CDKAL1: variants seen among roughly 807,000 people sequenced by gnomAD.
CDKAL1 encodes the protein CDKAL1 threonylcarbamoyladenosine tRNA methylthiotransferase, also known as threonylcarbamoyladenosine tRNA methylthiotransferase.
In CDKAL1, 32 loss-of-function variants were observed where a neutral mutation model predicts 68.2. The ratio of observed to expected loss-of-function variants is 0.47; its 90% confidence interval spans 0.35 to 0.63. The LOEUF (loss-of-function observed/expected upper bound fraction) is 0.63. Among genes scored for constraint, CDKAL1 ranks in the 30% least tolerant of loss-of-function variants. CDKAL1 has a pLI of 0.00. For synonymous variants in CDKAL1, 234 were observed against 244.3 expected (o/e 0.96, Z 0.39); for missense variants, 606 against 696.7 (o/e 0.87, Z 1.47).
intron 13 of CDKAL1, among the ~76,000 whole-genome samples, chr6:21,170,062 G>A (rs1777318540): frequency 6.6e-6 from 1 of 152,084 alleles, no homozygotes; most frequent in Admixed American, 6.6e-5. Context: ...ACCTATCACT[G>A]AAAGATGCAA....
intron 12 of CDKAL1, among the ~76,000 whole-genome samples, chr6:21,085,157 G>C (rs1372077394): frequency 6.6e-6 from 1 of 152,182 alleles, no homozygotes; most frequent in Non-Finnish European, 1.5e-5. Flanking sequence ...CATCTCACTA[G>C]TGTGTAGAAA....
intron 12 of CDKAL1, among the ~76,000 whole-genome samples, chr6:21,082,622 T>C (rs1339062723): frequency 1.3e-5 from 2 of 152,294 alleles, no homozygotes; most frequent in East Asian, 3.9e-4. Context: ...GTTTTTCTAT[T>C]ATGACAGTAA....
intron 4 of CDKAL1, among the ~76,000 whole-genome samples, chr6:20,577,048 C>T (rs1764943191): frequency 6.6e-6 from 1 of 151,992 alleles, no homozygotes; most frequent in African/African-American, 2.4e-5. Context: ...CTTTTCAGGC[C>T]TCCATACACT....
rs189472960 is a variant in CDKAL1 at position 20,907,761 on chromosome 6, C to A, written c.743-47658C>A. ...CAGCCAGGGAGTCAGAAGCTGAGCA[C>A]AGCCCACCACCCGAGGTGGATGGGA... On this transcript the variant is annotated intron_variant, in intron 9 of 15. Coordinates refer to ENST00000274695, the MANE Select transcript of CDKAL1 (RefSeq NM_017774.3). Among the ~76,000 whole-genome samples the A allele has an allele frequency of 2.6e-3, 402 of 152,224 alleles. 3 individuals are homozygous for A. The highest frequency in any genetic ancestry group is 8.3e-3 in the African/African-American group (345 of 41,520).
intron 13 of CDKAL1, among the ~76,000 whole-genome samples, chr6:21,157,134 T>C (rs1025659143): frequency 3.9e-5 from 6 of 152,346 alleles, no homozygotes; most frequent in Admixed American, 3.9e-4. Flanking sequence ...CTATCACTTA[T>C]GAGCTCTATG....
At chr6:20,720,235 C>T (rs1772280906) in intron 5 of CDKAL1, among the ~76,000 whole-genome samples, 1 of 151,908 alleles carries the variant, frequency 6.6e-6, no homozygotes, top group South Asian at 2.1e-4. Context: ...GGATACAGGC[C>T]CATATATAGG....
intron 9 of CDKAL1, among the ~76,000 whole-genome samples, chr6:20,856,727 G>A (rs1209523806): frequency 1.3e-5 from 2 of 152,180 alleles, no homozygotes; most frequent in Non-Finnish European, 2.9e-5. Context: ...ATCTGTCTCT[G>A]GGATGATGTT....
chr6:20,825,996 A>G (rs1041681091), intron 8 of CDKAL1, among the ~76,000 whole-genome samples: 4 of 152,194 alleles, frequency 2.6e-5, no homozygotes, highest in Non-Finnish European at 5.9e-5. Context: ...ACTCACAAAT[A>G]TGACCTGAAT....
intron 15 of CDKAL1, among the ~76,000 whole-genome samples, chr6:21,221,724 C>T (rs1779545701): frequency 6.6e-6 from 1 of 152,158 alleles, no homozygotes; most frequent in African/African-American, 2.4e-5. Flanking sequence ...TTTTCTTCAT[C>T]CCTGTTAGAT....
chr6:21,068,949 G>A (rs575282890), intron 12 of CDKAL1, among the ~76,000 whole-genome samples: 24 of 152,082 alleles, frequency 1.6e-4, no homozygotes, highest in African/African-American at 5.8e-4. Flanking sequence ...TCCTACATGT[G>A]TGTTTCCATT....
chr6:21,004,095 T>A (rs1205833659), intron 11 of CDKAL1, among the ~76,000 whole-genome samples: 1 of 152,176 alleles, frequency 6.6e-6, no homozygotes, highest in Non-Finnish European at 1.5e-5. Flanking sequence ...CCTTAAAAAA[T>A]CCATTTTTTA....
At chr6:20,992,572 C>G (rs1465842401) in intron 10 of CDKAL1, among the ~76,000 whole-genome samples, 1 of 152,018 alleles carries the variant, frequency 6.6e-6, no homozygotes, top group African/African-American at 2.4e-5. Flanking sequence ...TTAATAAATT[C>G]TAAATTCCCA....
At chr6:21,081,305 A>G (rs1426116444) in intron 12 of CDKAL1, among the ~76,000 whole-genome samples, 1 of 152,180 alleles carries the variant, frequency 6.6e-6, no homozygotes. Flanking sequence ...AAATAAGGAG[A>G]ATATAAATTT....
intron 2 of CDKAL1, among the ~76,000 whole-genome samples, chr6:20,546,126 G>A (rs1763591949): frequency 2.0e-5 from 3 of 152,088 alleles, no homozygotes; most frequent in South Asian, 4.1e-4. Context: ...ATGTCCCATT[G>A]TCATTAGGGT....
chr6:20,607,172 A>C lies in CDKAL1; in HGVS notation c.287-42121A>C, dbSNP rs532685397. On this transcript the variant is annotated intron_variant, in intron 4 of 15. Coordinates refer to ENST00000274695, the MANE Select transcript of CDKAL1 (RefSeq NM_017774.3). ...GGGCAAAAAAGAAAGAACGTAAAGT[A>C]GTTTTTAGAAGTAGTTTCTTCTGGT... 8.7e-4 allele frequency among the ~76,000 whole-genome samples: 132 copies of C among 152,336 alleles called. 1 individual carries two copies. The highest frequency in any genetic ancestry group is 3.0e-3 in the African/African-American group (125 of 41,584).
intron 11 of CDKAL1, among the ~76,000 whole-genome samples, chr6:21,025,825 A>G (rs1768924622): frequency 6.6e-6 from 1 of 152,102 alleles, no homozygotes; most frequent in African/African-American, 2.4e-5. Context: ...TTGTTGGTTT[A>G]TATTATCGAC....
chr6:21,147,220 TAAAA>T (rs1195394180), intron 13 of CDKAL1, among the ~76,000 whole-genome samples: 1 of 152,110 alleles, frequency 6.6e-6, no homozygotes, highest in Non-Finnish European at 1.5e-5. Context: ...TCTGGATAAA[TAAAA>T]AAGATAATTT....
intron 10 of CDKAL1, among the ~76,000 whole-genome samples, chr6:20,957,968 C>CAAAAAA (rs60301451): frequency 3.0e-5 from 2 of 67,430 alleles, no homozygotes; most frequent in African/African-American, 8.0e-5. Context: ...AAGATTATCT[C>CAAAAAA]AAAAAAAAAA....
At chr6:20,984,007 C>A (rs1226920243) in intron 10 of CDKAL1, among the ~76,000 whole-genome samples, 3 of 152,180 alleles carry the variant, frequency 2.0e-5, no homozygotes, top group Non-Finnish European at 4.4e-5. Context: ...TATTCCATTG[C>A]CACCATTGTG....
Sources: allele counts gnomAD v4.1 joint callset (sites outside exome capture counted in the v4.1 genomes callset), GRCh38; gene constraint gnomAD v4.1.1; transcripts MANE v1.5; gene names NCBI Gene and HGNC (gene_info 2026-07-23, HGNC 2026-07-21).